The following FRMPD4 variants were observed in gnomAD, a reference collection of about 807,000 sequenced individuals.
The protein encoded by FRMPD4 is FERM and PDZ domain containing 4, also known as FERM and PDZ domain-containing protein 4.
In FRMPD4, 22 loss-of-function variants were observed where a neutral mutation model predicts 94.1. The observed-to-expected ratio is 0.23, with a 90% confidence interval of 0.17 to 0.33. FRMPD4 has a LOEUF of 0.33. Among genes scored for constraint, FRMPD4 ranks in the 10% least tolerant of loss-of-function variants. FRMPD4 has a pLI of 1.00. For missense variants in FRMPD4, 1,111 were observed against 1,339.9 expected (o/e 0.83, Z 2.67); for synonymous variants, 631 against 548.6 (o/e 1.15, Z -2.10).
At chrX:12,530,959 G>T (rs1375098876) in intron 2 of FRMPD4, among the ~76,000 whole-genome samples, 1 of 111,289 alleles carries the variant, frequency 9.0e-6, no homozygotes, top group Non-Finnish European at 1.9e-5. Flanking sequence ...GTCATCCAAG[G>T]AAATGCAAGA....
intron 3 of FRMPD4, among the ~76,000 whole-genome samples, chrX:11,991,635 C>G (rs1420222065): frequency 9.0e-6 from 1 of 111,656 alleles, no homozygotes; most frequent in Non-Finnish European, 1.9e-5. Flanking sequence ...AAAGCCTCAC[C>G]CTTCTCACAC....
chrX:12,602,845 C>T lies in FRMPD4; in HGVS notation c.159-6876C>T, dbSNP rs145066159. Among the ~76,000 whole-genome samples, 557 of 111,962 alleles carry T rather than the reference C, an allele frequency of 5.0e-3. 3 individuals carry two copies. The highest frequency in any genetic ancestry group is 0.017 in the African/African-American group (533 of 30,814). The stretch of plus-strand genomic sequence containing the variant: ...TGGGCAGTAAGAACAGATGCCCAAA[C>T]AAACTAGCATTTTTTACTTGACACG... On this transcript the variant is annotated intron_variant, in intron 2 of 16. Coordinates refer to ENST00000675598, the MANE Select transcript of FRMPD4 (RefSeq NM_001368397.1).
At chrX:12,000,942 T>G (rs1349405128) in intron 3 of FRMPD4, among the ~76,000 whole-genome samples, 1 of 112,230 alleles carries the variant, frequency 8.9e-6, no homozygotes, top group African/African-American at 3.2e-5. Flanking sequence ...TGGGTACATT[T>G]AAACAACTAA....
intron 1 of FRMPD4, among the ~76,000 whole-genome samples, chrX:12,344,745 G>A (rs747998289): frequency 8.9e-6 from 1 of 111,978 alleles, no homozygotes; most frequent in African/African-American, 3.2e-5. Context: ...GACTTTCTTT[G>A]GAGTCTGTTC....
intron 2 of FRMPD4, among the ~76,000 whole-genome samples, chrX:12,560,742 C>CTA (rs2058647837): frequency 2.3e-5 from 1 of 43,445 alleles, no homozygotes; most frequent in Non-Finnish European, 4.3e-5. Context: ...CTCCCCTCAT[C>CTA]TTTTTTTTTT....
intron 4 of FRMPD4, among the ~76,000 whole-genome samples, chrX:12,654,818 C>T (rs184528499): frequency 1.9e-4 from 21 of 112,243 alleles, no homozygotes; most frequent in African/African-American, 5.8e-4. Flanking sequence ...AAGTTCTGTG[C>T]TTCTAGACCC....
intron 3 of FRMPD4, among the ~76,000 whole-genome samples, chrX:11,908,793 T>C (rs1476063300): frequency 4.5e-5 from 5 of 112,039 alleles, no homozygotes; most frequent in Non-Finnish European, 9.4e-5. Context: ...ATGATTATTG[T>C]TAGTTTTTCC....
At chrX:11,865,699 T>C (rs1390073167) in intron 2 of FRMPD4, among the ~76,000 whole-genome samples, 1 of 111,988 alleles carries the variant, frequency 8.9e-6, no homozygotes, top group Non-Finnish European at 1.9e-5. Flanking sequence ...TCTCCAAAGT[T>C]AGTACTCTTA....
At chrX:12,609,614 C>A in intron 2 of FRMPD4, 107 bp from the exon 3 acceptor site, 1 of 690,263 alleles carries the variant, frequency 1.4e-6, no homozygotes, top group Non-Finnish European at 2.2e-6. Context: ...ATCTTTCTCA[C>A]TCTCTACCAA....
chrX:12,346,647 G>A, intron 1 of FRMPD4, among the ~76,000 whole-genome samples: 1 of 111,219 alleles, frequency 9.0e-6, no homozygotes, highest in Non-Finnish European at 1.9e-5. Context: ...TTTGGAGTCT[G>A]CCTCCTAGAT....
At chrX:12,614,368 T>C (rs1185271108) in intron 3 of FRMPD4, among the ~76,000 whole-genome samples, 1 of 109,971 alleles carries the variant, frequency 9.1e-6, no homozygotes, top group African/African-American at 3.4e-5. Flanking sequence ...AATAGCTCCT[T>C]CTAGGGGCCT....
At chrX:12,285,696 T>C (rs2054590590) in intron 1 of FRMPD4, among the ~76,000 whole-genome samples, 1 of 112,018 alleles carries the variant, frequency 8.9e-6, no homozygotes, top group South Asian at 3.7e-4. Context: ...AGAAAGATTA[T>C]GGGAAAGCAT....
chrX:12,425,073 C>A (rs1271728483), intron 1 of FRMPD4, among the ~76,000 whole-genome samples: 1 of 112,487 alleles, frequency 8.9e-6, no homozygotes, highest in Admixed American at 9.4e-5. Flanking sequence ...CTTTTCCTGA[C>A]ATGATTCAGG....
In FRMPD4 at chrX:12,030,421, G is replaced by A. The variant is rs187823279; in HGVS notation, c.95+152403G>A. ...CTCTTCTAATAGCTTTTTTTTGTGG[G>A]GGGGAGGTCCCGATGCTGGTCATCA... On this transcript the variant is annotated intron_variant, in intron 3 of 18. Coordinates refer to the FRMPD4 transcript ENST00000640291. Among the ~76,000 whole-genome samples, 9 of 111,729 alleles carry A rather than the reference G, an allele frequency of 8.1e-5. No individual in the cohort carries two copies. In the East Asian group the frequency reaches 2.5e-3, roughly 31 times the overall value.
intron 3 of FRMPD4, among the ~76,000 whole-genome samples, chrX:12,004,763 C>T (rs1389161037): frequency 9.3e-6 from 1 of 107,524 alleles, no homozygotes; most frequent in African/African-American, 3.4e-5. Context: ...CAGGGGTAAA[C>T]GTTCTGTCCA....
intron 2 of FRMPD4, among the ~76,000 whole-genome samples, chrX:11,872,559 G>A (rs760064998): frequency 4.9e-4 from 55 of 111,787 alleles, no homozygotes; most frequent in Admixed American, 7.6e-4. Context: ...GAAAACAAAG[G>A]GAAAAAGAAA....
intron 1 of FRMPD4, among the ~76,000 whole-genome samples, chrX:12,165,537 T>A (rs1034205668): frequency 8.9e-6 from 1 of 112,039 alleles, no homozygotes. Context: ...ATGTAGGCTC[T>A]TTTTTGGTTC....
intron 1 of FRMPD4, among the ~76,000 whole-genome samples, chrX:12,348,089 G>T (rs767535289): frequency 1.2e-4 from 13 of 111,973 alleles, no homozygotes; most frequent in Non-Finnish European, 2.4e-4. Context: ...GATTTCACTA[G>T]ATTAAATTCA....
In FRMPD4 at chrX:12,716,961, G is replaced by A. The variant is rs2042099576; in HGVS notation, c.2502G>A (p.Lys834=). The A allele has an allele frequency of 7.4e-6, 9 of 1,211,591 alleles. No individual in the cohort carries two copies. Among genetic ancestry groups the A allele is most frequent in the African/African-American group, 1.7e-5 (1 of 57,895 alleles). The change falls in exon 15 of 17, where the codon AAG becomes AAA. Residue 834 remains lysine, a synonymous_variant. Transcript: ENST00000675598. ...QSQAASFPED[K]EKGSSLQNDE... is the part of the protein sequence containing the mutation. ...AGGCAGCTTCCTTCCCCGAGGACAAGGAGAAAGGCAGCAGCCTGCAAAATG... is the reference window on the plus strand; with the variant it reads ...AGGCAGCTTCCTTCCCCGAGGACAAAGAGAAAGGCAGCAGCCTGCAAAATG...
Sources: allele counts gnomAD v4.1 joint callset (sites outside exome capture counted in the v4.1 genomes callset), GRCh38; gene constraint gnomAD v4.1.1; transcripts MANE v1.5; gene names NCBI Gene and HGNC (gene_info 2026-07-23, HGNC 2026-07-21).